KAZN: variants seen among roughly 807,000 people sequenced by gnomAD.
The protein encoded by KAZN is kazrin, periplakin interacting protein.
KAZN carries 40 observed loss-of-function variants against 87.4 expected under a neutral mutation model. The observed-to-expected ratio is 0.46, with a 90% CI of 0.36 to 0.60. The LOEUF is 0.60. KAZN is among the 20% of genes least tolerant of loss of function. The pLI, the probability that KAZN is intolerant of heterozygous loss-of-function variation, is 0.00. For synonymous variants in KAZN, 466 were observed against 458.3 expected, an observed-to-expected ratio of 1.02 and a Z score of -0.22; for missense variants, 898 against 1,073.9, an observed-to-expected ratio of 0.84 and a Z score of 2.29.
intron 1 of KAZN, among the ~76,000 whole-genome samples, chr1:14,732,986 C>T (rs1319692452): frequency 5.9e-5 from 9 of 151,964 alleles, no homozygotes. Context: ...GTTCACGGAG[C>T]AAGCAGAAGA....
At chr1:14,200,152 A>T (rs1646609031) in intron 2 of KAZN, among the ~76,000 whole-genome samples, 1 of 152,136 alleles carries the variant, frequency 6.6e-6, no homozygotes, top group Non-Finnish European at 1.5e-5. Context: ...ACCAAATAAA[A>T]ATCCAATAAT....
At chr1:15,109,350 C>T (rs546768581) in intron 13 of KAZN, among the ~76,000 whole-genome samples, 142 of 152,252 alleles carry the variant, frequency 9.3e-4, no homozygotes, top group African/African-American at 3.2e-3. Context: ...GCCTGGGCAA[C>T]AGAGCGAGAC....
chr1:14,568,717 AC>A (rs1350760583), intron 2 of KAZN, among the ~76,000 whole-genome samples: 1 of 152,204 alleles, frequency 6.6e-6, no homozygotes, highest in Non-Finnish European at 1.5e-5. Flanking sequence ...GCCTCTTGAT[AC>A]CCTGAGCAGA....
intron 8 of KAZN, among the ~76,000 whole-genome samples, chr1:15,080,826 A>ACCCT (rs1422341999): frequency 6.6e-6 from 1 of 151,756 alleles, no homozygotes; most frequent in East Asian, 1.9e-4. Context: ...AGGGAGTAGG[A>ACCCT]CCCTCCCTGT....
intron 8 of KAZN, among the ~76,000 whole-genome samples, chr1:15,086,753 A>G (rs1356510827): frequency 1.3e-5 from 2 of 152,252 alleles, no homozygotes; most frequent in Non-Finnish European, 2.9e-5. Flanking sequence ...CAGAATTAAT[A>G]TATTTTAAAT....
At chr1:14,264,905 C>T (rs1176918025) in intron 2 of KAZN, among the ~76,000 whole-genome samples, 1 of 152,082 alleles carries the variant, frequency 6.6e-6, no homozygotes, top group Non-Finnish European at 1.5e-5. Flanking sequence ...AGGTCTGTAA[C>T]CTTTGTTACA....
chr1:14,680,265 T>G lies in KAZN; in HGVS notation c.226+81042T>G, dbSNP rs1640489927. ...CACACCCCTACCAAGACACGGAATC[T>G]TTCCCTCATCCTGGAAAACGCCTTT... On this transcript the variant is annotated intron_variant, in intron 1 of 14. Transcript: ENST00000376030. Among the ~76,000 whole-genome samples, 4 of 152,168 alleles carry G rather than the reference T, an allele frequency of 2.6e-5. No individual in the cohort carries two copies. The South Asian group carries it at 8.3e-4, about 32-fold the overall frequency.
At chr1:14,326,555 GCCCT>G (rs1186812799) in intron 2 of KAZN, among the ~76,000 whole-genome samples, 1 of 152,134 alleles carries the variant, frequency 6.6e-6, no homozygotes, top group African/African-American at 2.4e-5. Context: ...TCTGCTCAAA[GCCCT>G]CCAATGGTTC....
rs1186061438 is a variant in KAZN, at chr1:14,090,549, A to G, written c.92-89886A>G. Among the ~76,000 whole-genome samples the G allele has an allele frequency of 5.9e-5, 9 of 152,314 alleles. No individual in the cohort carries two copies. In the South Asian group the frequency reaches 1.7e-3, roughly 28 times the overall value. On this transcript the variant is annotated intron_variant, in intron 1 of 16. Transcript: ENST00000636203. ...CCTTTTTGACATATCGAGGCTATTT[A>G]TAATGACTATTAAAATGCTCTTGTT...
In KAZN at chr1:14,987,716, C is replaced by T. The variant is rs75516356; in HGVS notation, c.418+26841C>T. Reference sequence around the variant, plus strand: ...AGGGGCACTTTCATGCGGGGCTCTGCGGTCCTGGGTAAGGAGTTTGGATTT... The same window carrying T: ...AGGGGCACTTTCATGCGGGGCTCTGTGGTCCTGGGTAAGGAGTTTGGATTT... On this transcript the variant is annotated intron_variant, in intron 2 of 14. Transcript: ENST00000376030. 3.7e-3 allele frequency among the ~76,000 whole-genome samples: 562 copies of T among 152,246 alleles called. 24 individuals carry two copies. In the East Asian group the frequency reaches 0.086, roughly 23 times the overall value.
chr1:14,570,143 A>C (rs1674777956), intron 2 of KAZN, among the ~76,000 whole-genome samples: 1 of 152,092 alleles, frequency 6.6e-6, no homozygotes, highest in East Asian at 1.9e-4. Flanking sequence ...ATTTTTAAAA[A>C]TCCAGGATGC....
intron 2 of KAZN, among the ~76,000 whole-genome samples, chr1:14,538,270 A>G (rs1672614424): frequency 6.6e-6 from 1 of 152,232 alleles, no homozygotes; most frequent in African/African-American, 2.4e-5. Flanking sequence ...ATGACAAAAC[A>G]TATCATGAAA....
At chr1:14,127,987 T>C (rs1049765399) in intron 1 of KAZN, among the ~76,000 whole-genome samples, 2 of 151,580 alleles carry the variant, frequency 1.3e-5, no homozygotes, top group African/African-American at 4.9e-5. Context: ...CAAGAGGGAG[T>C]CAGAGTCCAA....
chr1:15,059,578 C>G (rs1638605674), intron 5 of KAZN, among the ~76,000 whole-genome samples: 1 of 151,908 alleles, frequency 6.6e-6, no homozygotes, highest in South Asian at 2.1e-4. Flanking sequence ...AGGCGAGAGT[C>G]AGTGGTGGCA....
Position 15,101,753 on chromosome 1 carries a change from C to G in KAZN, c.1758C>G (p.Tyr586Ter). 1 of 1,582,222 alleles carries G rather than the reference C, an allele frequency of 6.3e-7. No homozygotes were observed. The change falls in exon 11 of 15, where the codon TAC becomes TAG. Residue 586 changes from tyrosine to a stop codon, truncating the protein, a stop_gained. Coordinates refer to ENST00000376030, the MANE Select transcript of KAZN (RefSeq NM_201628.3). LOFTEE classifies it high-confidence loss of function. ...TCCTGCTGGGGATCGAGCTGCTGTACCAAGTGAACTTCAGCAGGGAGGTGA... is the reference window on the plus strand; with the variant it reads ...TCCTGCTGGGGATCGAGCTGCTGTAGCAAGTGAACTTCAGCAGGGAGGTGA... ...VSILLGIELL[Y>*]QVNFSREALQ...
chr1:14,317,644 G>T (rs964983070), intron 2 of KAZN, among the ~76,000 whole-genome samples: 1 of 151,456 alleles, frequency 6.6e-6, no homozygotes, highest in South Asian at 2.1e-4. Flanking sequence ...TATTTCTGAG[G>T]GTTCTGTCTT....
At chr1:14,722,311 A>G (rs1379885133) in intron 1 of KAZN, among the ~76,000 whole-genome samples, 1 of 152,176 alleles carries the variant, frequency 6.6e-6, no homozygotes, top group Non-Finnish European at 1.5e-5. Context: ...CACAGGGCAA[A>G]TGTGATATTG....
chr1:14,922,181 A>T (rs1248637706), intron 1 of KAZN, among the ~76,000 whole-genome samples: 4 of 152,240 alleles, frequency 2.6e-5, no homozygotes, highest in African/African-American at 9.6e-5. Context: ...ATAATATAAC[A>T]TAAATGCCCT....
In KAZN at chr1:14,453,017, G is replaced by A. The variant is rs557130486; in HGVS notation, c.250-145966G>A. On this transcript the variant is annotated intron_variant, in intron 2 of 16. Coordinates refer to the KAZN transcript ENST00000636203. Reference sequence around the variant, plus strand: ...GTCACCCAGGCTGGAGTGCAGTGGCGCAATCTCGGCTCACTGCAAGCTCTG... The same window carrying A: ...GTCACCCAGGCTGGAGTGCAGTGGCACAATCTCGGCTCACTGCAAGCTCTG... Among the ~76,000 whole-genome samples, 23 of 152,190 alleles carry A rather than the reference G, an allele frequency of 1.5e-4. No homozygotes were observed. In the South Asian group the frequency reaches 2.3e-3, roughly 15 times the overall value.
Sources: allele counts gnomAD v4.1 joint callset (sites outside exome capture counted in the v4.1 genomes callset), GRCh38; gene constraint gnomAD v4.1.1; transcripts MANE v1.5; gene names NCBI Gene and HGNC (gene_info 2026-07-23, HGNC 2026-07-21).